The following KLC1 variants were observed in gnomAD, a reference collection of about 807,000 sequenced individuals.
The protein encoded by KLC1 is kinesin light chain 1.
KLC1 carries 30 observed loss-of-function variants against 84.2 expected under a neutral mutation model. The observed-to-expected ratio is 0.36, with a 90% CI of 0.27 to 0.48. The LOEUF (loss-of-function observed/expected upper bound fraction) is 0.48, where lower values mean the gene tolerates loss of function less well. Among genes scored for constraint, KLC1 ranks in the 20% least tolerant of loss-of-function variants. The pLI, the probability that KLC1 is intolerant of heterozygous loss-of-function variation, is 0.99. For synonymous variants in KLC1, 289 were observed against 293.3 expected, an observed-to-expected ratio of 0.99 and a Z score of 0.15; for missense variants, 499 against 805.4, an observed-to-expected ratio of 0.62 and a Z score of 4.60.
chr14:103,636,314 C>T (rs948771626), intron 1 of KLC1, among the ~76,000 whole-genome samples: 8 of 151,974 alleles, frequency 5.3e-5, no homozygotes, highest in South Asian at 2.1e-4. Flanking sequence ...CTCTGCCTCC[C>T]GAGTTCAAAC....
intron 13 of KLC1, among the ~76,000 whole-genome samples, chr14:103,681,066 C>T (rs1270289215): frequency 6.6e-6 from 1 of 152,166 alleles, no homozygotes; most frequent in Non-Finnish European, 1.5e-5. Context: ...AGCAGCTGCT[C>T]CTCTGCACGC....
intron 6 of KLC1, 93 bp downstream of exon 6, chr14:103,669,691 A>C (rs2080215919): frequency 1.1e-6 from 1 of 888,988 alleles, no homozygotes; most frequent in Non-Finnish European, 1.8e-6. Context: ...CTCAACAGGG[A>C]AAGTTTAAGT....
In KLC1 at chr14:103,633,623, G is replaced by A. The variant is rs1320294691; in HGVS notation, c.-2+4129G>A. On this transcript the variant is annotated intron_variant, in intron 1 of 16. Coordinates refer to ENST00000334553, the MANE Select transcript of KLC1 (RefSeq NM_001394837.1). ...AGGGAGGACTCCCCAGAATGATCCTGTGAAAACCTGAGTCACTCCTCTGTT... is the reference window on the plus strand; with the variant it reads ...AGGGAGGACTCCCCAGAATGATCCTATGAAAACCTGAGTCACTCCTCTGTT... Among the ~76,000 whole-genome samples, 112 of 152,078 alleles carry A rather than the reference G, an allele frequency of 7.4e-4. 1 individual carries two copies. The highest frequency in any genetic ancestry group is 2.4e-4 in the Non-Finnish European group (16 of 68,018).
chr14:103,634,459 A>G (rs553399012), intron 1 of KLC1, among the ~76,000 whole-genome samples: 20 of 152,276 alleles, frequency 1.3e-4, no homozygotes, highest in African/African-American at 4.6e-4. Context: ...GGGGCAGCCA[A>G]GTGGACTAGT....
intron 1 of KLC1, among the ~76,000 whole-genome samples, chr14:103,646,418 A>G (rs2077930721): frequency 6.6e-6 from 1 of 152,152 alleles, no homozygotes; most frequent in African/African-American, 2.4e-5. Flanking sequence ...TTCCCACTTC[A>G]GCCTCTCAAG....
chr14:103,637,688 C>G (rs1263837489), intron 1 of KLC1, among the ~76,000 whole-genome samples: 1 of 152,024 alleles, frequency 6.6e-6, no homozygotes, highest in Non-Finnish European at 1.5e-5. Context: ...TTAATGTTTT[C>G]TTTTTAAAAA....
intron 3 of KLC1, among the ~76,000 whole-genome samples, chr14:103,660,064 G>C (rs543642766): frequency 1.3e-5 from 2 of 152,156 alleles, no homozygotes; most frequent in African/African-American, 4.8e-5. Flanking sequence ...TACACTGGGG[G>C]TTAGGGCTTT....
Position 103,685,618 on chromosome 14 carries a change from C to T in KLC1, c.1651-1463C>T, listed in dbSNP as rs1001337948. ...CGCCGCGGTTTCACGTGGGTTTTCTCTCTCCTTTCTGTCTGACAGGCCTAG... is the reference window on the plus strand; with the variant it reads ...CGCCGCGGTTTCACGTGGGTTTTCTTTCTCCTTTCTGTCTGACAGGCCTAG... On this transcript the variant is annotated intron_variant, in intron 13 of 16. Transcript: ENST00000334553. The T allele has an allele frequency of 5.4e-6, 7 of 1,289,190 alleles. No individual in the cohort carries two copies. The South Asian group carries it at 6.2e-5, about 11-fold the overall frequency. The allele number at this position is 1,289,190 out of a possible 1,614,324, so 79.9% of individuals were successfully genotyped here.
In KLC1 at chr14:103,662,946, C is replaced by T; in HGVS notation, c.797+19C>T. 1.3e-6 allele frequency: 2 copies of T among 1,548,696 alleles called. No individual in the cohort carries two copies. The highest frequency in any genetic ancestry group is 1.8e-6 in the Non-Finnish European group (2 of 1,138,462). On this transcript the variant is annotated intron_variant, in intron 5 of 16. Transcript: ENST00000334553. ...TGTACAGGCTAGTCACTTTTGTTTACCTACTGAATTTTACCTAGAGACAAT... is the reference window on the plus strand; with the variant it reads ...TGTACAGGCTAGTCACTTTTGTTTATCTACTGAATTTTACCTAGAGACAAT...
chr14:103,666,309 C>T (rs900123898), intron 5 of KLC1, among the ~76,000 whole-genome samples: 17 of 152,012 alleles, frequency 1.1e-4, no homozygotes, highest in African/African-American at 3.6e-4. Context: ...GTGATCCACC[C>T]GCCTTGGCCT....
intron 13 of KLC1, 159 bp from the exon 14 acceptor site, chr14:103,686,922 C>T: frequency 2.6e-6 from 1 of 391,546 alleles, no homozygotes; most frequent in Non-Finnish European, 4.9e-6. Flanking sequence ...AAAGTATATT[C>T]ACGTACATGG....
intron 3 of KLC1, among the ~76,000 whole-genome samples, chr14:103,658,192 C>G (rs1406410846): frequency 3.9e-5 from 6 of 152,230 alleles, no homozygotes; most frequent in Non-Finnish European, 1.5e-5. Flanking sequence ...CCGCCTCTCT[C>G]ATCCTCCCCT....
intron 15 of KLC1, chr14:103,699,712 T>A (rs2082960519): frequency 1.3e-6 from 1 of 796,524 alleles, no homozygotes; most frequent in Admixed American, 2.0e-5. Context: ...TACTCTGTAG[T>A]CCCCATACTC....
At position 103,668,467 on chromosome 14, in the gene KLC1, GTTTTTCTTTTTTCTTTTT is replaced by G. The variant is rs1218989681; in HGVS notation, c.798-1033_798-1016del. 3.3e-5 allele frequency among the ~76,000 whole-genome samples: 5 copies of G among 152,112 alleles called. No individual in the cohort carries two copies. The South Asian group carries it at 8.3e-4, about 25-fold the overall frequency. ...TTTTTTCCCCATCCATAAGCTTGTG[GTTTTTCTTTTTTCTTTTT>G]TTTTTCTTTTGAGACGGAGTCTTGC... On this transcript the variant is annotated intron_variant, in intron 5 of 16. Transcript: ENST00000334553.
rs538255323 is a variant in KLC1, at chr14:103,649,897, G to A, written c.-1-4667G>A. 9.9e-5 allele frequency among the ~76,000 whole-genome samples: 15 copies of A among 152,108 alleles called. No homozygotes were observed. In the East Asian group the frequency reaches 2.7e-3, roughly 27 times the overall value. On this transcript the variant is annotated intron_variant, in intron 1 of 16. Transcript: ENST00000334553. ...TTTTTAGTAGAGACGGGGTTTCACC[G>A]TGTTAGCCAGGGTGGTCTCGATCTC...
intron 13 of KLC1, chr14:103,682,684 GAAAAAAA>G (rs1194518190): frequency 6.9e-6 from 1 of 144,570 alleles, no homozygotes; most frequent in Non-Finnish European, 1.5e-5. Flanking sequence ...AGTGTCTCGA[GAAAAAAA>G]AGAAAAAAGA....
chr14:103,699,013 AG>A, intron 15 of KLC1: 1 of 1,584,796 alleles, frequency 6.3e-7, no homozygotes, highest in Non-Finnish European at 8.6e-7. Context: ...CGTTCGTCCC[AG>A]AACCTGAGAA....
At chr14:103,686,261 C>T in intron 13 of KLC1, 8 of 981,110 alleles carry the variant, frequency 8.2e-6, no homozygotes, top group Non-Finnish European at 9.7e-6. Flanking sequence ...GGTAGAACTT[C>T]TCACTCTTTA....
intron 1 of KLC1, among the ~76,000 whole-genome samples, chr14:103,637,194 C>T (rs2077111735): frequency 6.6e-6 from 1 of 151,930 alleles, no homozygotes; most frequent in Non-Finnish European, 1.5e-5. Flanking sequence ...TTTAATAAAT[C>T]AATACTTTTA....
Sources: allele counts gnomAD v4.1 joint callset (sites outside exome capture counted in the v4.1 genomes callset), GRCh38; gene constraint gnomAD v4.1.1; transcripts MANE v1.5; gene names NCBI Gene and HGNC (gene_info 2026-07-23, HGNC 2026-07-21).